MFSD2A: variants seen among roughly 807,000 people sequenced by gnomAD.
The protein encoded by MFSD2A is MFSD2 lysolipid transporter A, lysophospholipid, also known as sodium-dependent lysophosphatidylcholine symporter 1.
A neutral mutation model predicts 64.7 loss-of-function variants in MFSD2A; 27 were observed. The observed-to-expected ratio is 0.42, with a 90% CI of 0.31 to 0.58. The LOEUF (loss-of-function observed/expected upper bound fraction) is 0.58. MFSD2A is among the 20% of genes least tolerant of loss of function. The pLI is 0.18. For missense variants in MFSD2A, 474 were observed against 679.5 expected, an observed-to-expected ratio of 0.70 and a Z score of 3.36; for synonymous variants, 258 against 273.4, an observed-to-expected ratio of 0.94 and a Z score of 0.55.
Position 39,955,151 on chromosome 1 carries a change from C to T in MFSD2A, c.-142C>T. The T allele has an allele frequency of 1.8e-6, 1 of 544,394 alleles. No homozygotes were observed. Among genetic ancestry groups the T allele is most frequent in the Non-Finnish European group, 2.9e-6 (1 of 348,522 alleles). 33.7% of individuals were successfully genotyped at this position (544,394 alleles called of 1,614,324 possible). A position where few individuals can be genotyped will look rare whatever the true frequency, so the allele number is the denominator to read the frequency against. ...CGCGGAGGGGGCGTGCAGCAGAGTGCGTTCCTCGTCTGCCAGCCGGCTTGG... is the reference window on the plus strand; with the variant it reads ...CGCGGAGGGGGCGTGCAGCAGAGTGTGTTCCTCGTCTGCCAGCCGGCTTGG... On this transcript the variant is annotated 5_prime_UTR_variant, in exon 1 of 14. Coordinates refer to ENST00000372811, the MANE Select transcript of MFSD2A (RefSeq NM_032793.5). The surrounding 1 kb of genome is among the most constrained non-coding windows in gnomAD (Gnocchi z 5.9).
At position 39,964,998 on chromosome 1, in the gene MFSD2A, C is replaced by T; in HGVS notation, c.354-213C>T. ...ACCTCACACTCCATGCCTAGGATTT[C>T]AGTCTGGGGTCCCAGTTCCCATCTG... On this transcript the variant is annotated intron_variant, in intron 3 of 13. Coordinates refer to ENST00000372811, the MANE Select transcript of MFSD2A (RefSeq NM_032793.5). The surrounding 1 kb of genome is among the most constrained non-coding windows in gnomAD (Gnocchi z 4.1). The T allele has an allele frequency of 4.9e-6, 3 of 614,294 alleles. No individual in the cohort carries two copies. Among genetic ancestry groups the T allele is most frequent in the Non-Finnish European group, 8.5e-6 (3 of 353,096 alleles). The allele number at this position is 614,294 out of a possible 1,614,324, so 38.1% of individuals were successfully genotyped here.
intron 3 of MFSD2A, chr1:39,962,600 G>C (rs1645068201): frequency 1.3e-6 from 1 of 766,478 alleles, no homozygotes; most frequent in Admixed American, 2.2e-5. Flanking sequence ...GTGGCCCTGG[G>C]ATGGGGAACT....
Position 39,965,820 on chromosome 1 carries a change from T to C in MFSD2A, c.557-37T>C. On this transcript the variant is annotated intron_variant, in intron 5 of 13. Transcript: ENST00000372811. This position sits in a 1 kb window ranked among gnomAD's most constrained non-coding sequence, Gnocchi z 5.5. ...CCTTCCTCCCTGGGCCCACAATCCA[T>C]GAGGCCCCTCCAAAACACCTCCTTT... The C allele has an allele frequency of 6.2e-7, 1 of 1,610,590 alleles. No homozygotes were observed. The highest frequency in any genetic ancestry group is 8.5e-7 in the Non-Finnish European group (1 of 1,178,442).
Position 39,965,491 on chromosome 1 carries a change from G to A in MFSD2A, c.498G>A (p.Ser166=), listed in dbSNP as rs376773716. 87 of 1,613,780 alleles carry A rather than the reference G, an allele frequency of 5.4e-5. No homozygotes were observed. The highest frequency in any genetic ancestry group is 8.0e-5 in the African/African-American group (6 of 74,836). The part of the protein sequence containing the change: ...TMVTCFHVPY[S]ALTMFISTEQ... ...GCCAGTGTTTCCATGTTCCCTACTCGGCTCTCACCATGTTCATCAGCACCG... is the reference window on the plus strand; with the variant it reads ...GCCAGTGTTTCCATGTTCCCTACTCAGCTCTCACCATGTTCATCAGCACCG... Residue 166 remains serine (S), a synonymous_variant, in exon 5 of 14, where the codon TCG becomes TCA. Transcript: ENST00000372811. The surrounding 1 kb of genome is among the most constrained non-coding windows in gnomAD (Gnocchi z 5.5).
At position 39,963,563 on chromosome 1, in the gene MFSD2A, C is replaced by T. The variant is rs1645091231; in HGVS notation, c.354-1648C>T. On this transcript the variant is annotated intron_variant, in intron 3 of 13. Transcript: ENST00000372811. The surrounding 1 kb of genome is among the most constrained non-coding windows in gnomAD (Gnocchi z 4.2). ...AGTAGCTGGGATAACAGGCATGTGC[C>T]ACTGCCATTACAGCCATTTTTAAGT... Among the ~76,000 whole-genome samples the T allele has an allele frequency of 6.6e-6, 1 of 152,228 alleles. No homozygotes were observed. The highest frequency in any genetic ancestry group is 2.1e-4 in the South Asian group (1 of 4,836).
At position 39,960,220 on chromosome 1, in the gene MFSD2A, T is replaced by C. The variant is rs1014960377; in HGVS notation, c.353+1395T>C. 1.3e-5 allele frequency among the ~76,000 whole-genome samples: 2 copies of C among 152,330 alleles called. No homozygotes were observed. The highest frequency in any genetic ancestry group is 4.1e-4 in the South Asian group (2 of 4,834). On this transcript the variant is annotated intron_variant, in intron 3 of 13. Transcript: ENST00000372811. This position sits in a 1 kb window ranked among gnomAD's most constrained non-coding sequence, Gnocchi z 4.8. The stretch of plus-strand genomic sequence containing the variant: ...GGCTCTGGTTCCCTCCAGGACATCC[T>C]GCTTCAGGGTGTGGGGGGGCATACC...
At position 39,958,793 on chromosome 1, in the gene MFSD2A, C is replaced by T; in HGVS notation, c.321C>T (p.Ser107=). 1.9e-6 allele frequency: 3 copies of T among 1,613,408 alleles called. No individual in the cohort carries two copies. The highest frequency in any genetic ancestry group is 2.5e-6 in the Non-Finnish European group (3 of 1,179,586). Residue 107 remains serine, a synonymous_variant, in exon 3 of 14, where the codon TCC becomes TCT. Coordinates refer to ENST00000372811, the MANE Select transcript of MFSD2A (RefSeq NM_032793.5). The surrounding 1 kb of genome is among the most constrained non-coding windows in gnomAD (Gnocchi z 4.7). The part of the protein sequence containing the change: ...DPLVGLCISK[S]PWTCLGRLMP... ...TGGTGGGCCTCTGCATCAGCAAATC[C>T]CCCTGGACCTGCCTGGGTCGCCTTA...
chr1:39,957,289 T>C, intron 2 of MFSD2A, 68 bp downstream of exon 2: 1 of 1,440,478 alleles, frequency 6.9e-7, no homozygotes, highest in East Asian at 2.5e-5. Flanking sequence ...CACCCCTGGG[T>C]CAGTTCGCTC....
rs180885482 is a variant in MFSD2A at position 39,967,667 on chromosome 1, T to C, written c.1051T>C (p.Leu351=). The C allele has an allele frequency of 5.6e-6, 9 of 1,614,174 alleles. No individual in the cohort carries two copies. Among genetic ancestry groups the C allele is most frequent in the Admixed American group, 1.7e-5 (1 of 60,010 alleles). The change falls in exon 10 of 14, where the codon TTG becomes CTG. Residue 351 remains leucine (L), a synonymous_variant. Transcript: ENST00000372811. ...TLTIPIWQWF[L]TRFGKKTAVY... ...AACCATTCCCATCTGGCAGTGGTTC[T>C]TGACCCGGTTTGGCAAGAAGACAGC...
Position 39,965,170 on chromosome 1 carries a change from C to T in MFSD2A, c.354-41C>T. ...AGACTGGGCTGGGCCTGGTCCTGGG[C>T]TCCAGCCTCCAGCCTCCACTCACAC... On this transcript the variant is annotated intron_variant, in intron 3 of 13. Coordinates refer to ENST00000372811, the MANE Select transcript of MFSD2A (RefSeq NM_032793.5). This position sits in a 1 kb window ranked among gnomAD's most constrained non-coding sequence, Gnocchi z 5.5. 11 of 1,607,576 alleles carry T rather than the reference C, an allele frequency of 6.8e-6. No individual in the cohort carries two copies. Among genetic ancestry groups the T allele is most frequent in the Non-Finnish European group, 9.3e-6 (11 of 1,179,074 alleles).
chr1:39,955,427 G>A lies in MFSD2A; in HGVS notation c.93+42G>A. The A allele has an allele frequency of 6.7e-7, 1 of 1,503,738 alleles. No homozygotes were observed. Among genetic ancestry groups the A allele is most frequent in the Non-Finnish European group, 8.9e-7 (1 of 1,124,484 alleles). 93.1% of individuals were successfully genotyped at this position (1,503,738 alleles called of 1,614,324 possible). On this transcript the variant is annotated intron_variant, in intron 1 of 13. Transcript: ENST00000372811. The surrounding 1 kb of genome is among the most constrained non-coding windows in gnomAD (Gnocchi z 5.9). Reference sequence around the variant, plus strand: ...CCGCGTGGAGGGCGAGGGGAGGGAGGAGGCGGAAATGGGGGATCAGGGGCG... The same window carrying A: ...CCGCGTGGAGGGCGAGGGGAGGGAGAAGGCGGAAATGGGGGATCAGGGGCG...
rs1336036387 is a variant in MFSD2A, at chr1:39,955,528, G to A, written c.93+143G>A. On this transcript the variant is annotated intron_variant, in intron 1 of 13. Coordinates refer to ENST00000372811, the MANE Select transcript of MFSD2A (RefSeq NM_032793.5). This position sits in a 1 kb window ranked among gnomAD's most constrained non-coding sequence, Gnocchi z 5.9. ...GCCTACGAGCCAGAGAGGACCTGGG[G>A]GTGCCCTGGGACAGGGGGTGACGGA... 2.4e-5 allele frequency: 22 copies of A among 909,046 alleles called. No individual in the cohort carries two copies. In the East Asian group the frequency reaches 4.8e-4, roughly 20 times the overall value. 56.3% of individuals were successfully genotyped at this position (909,046 alleles called of 1,614,324 possible).
Position 39,963,105 on chromosome 1 carries a change from C to T in MFSD2A, c.354-2106C>T, listed in dbSNP as rs868664328. The stretch of plus-strand genomic sequence containing the variant: ...CACCGTCCCTTGCAAGGTGACAGGC[C>T]GCTGCGGCTCTGTGCTGGTGCGTCT... On this transcript the variant is annotated intron_variant, in intron 3 of 13. Coordinates refer to ENST00000372811, the MANE Select transcript of MFSD2A (RefSeq NM_032793.5). This position sits in a 1 kb window ranked among gnomAD's most constrained non-coding sequence, Gnocchi z 4.2. 55 of 1,357,390 alleles carry T rather than the reference C, an allele frequency of 4.1e-5. No homozygotes were observed. The highest frequency in any genetic ancestry group is 4.8e-5 in the Non-Finnish European group (47 of 977,488). The allele number at this position is 1,357,390 out of a possible 1,614,324, so 84.1% of individuals were successfully genotyped here. A position where few individuals can be genotyped will look rare whatever the true frequency, so the allele number is the denominator to read the frequency against.
chr1:39,955,631 A>G lies in MFSD2A; in HGVS notation c.93+246A>G, dbSNP rs1282589267. 1 of 685,314 alleles carries G rather than the reference A, an allele frequency of 1.5e-6. No homozygotes were observed. Among genetic ancestry groups the G allele is most frequent in the Non-Finnish European group, 2.7e-6 (1 of 374,932 alleles). The allele number at this position is 685,314 out of a possible 1,614,324, so 42.5% of individuals were successfully genotyped here. A position where few individuals can be genotyped will look rare whatever the true frequency, so the allele number is the denominator to read the frequency against. On this transcript the variant is annotated intron_variant, in intron 1 of 13. Transcript: ENST00000372811. This position sits in a 1 kb window ranked among gnomAD's most constrained non-coding sequence, Gnocchi z 5.9. ...GCGGAGAGGCTCTGCCGGCAGCCCCATGTGATTCCCCGCTCTGCCTAGCCG... is the reference window on the plus strand; with the variant it reads ...GCGGAGAGGCTCTGCCGGCAGCCCCGTGTGATTCCCCGCTCTGCCTAGCCG...
chr1:39,965,183 C>A lies in MFSD2A; in HGVS notation c.354-28C>A, dbSNP rs756822467. The A allele has an allele frequency of 4.2e-5, 68 of 1,613,312 alleles. No individual in the cohort carries two copies. Among genetic ancestry groups the A allele is most frequent in the Non-Finnish European group, 3.4e-6 (4 of 1,179,858 alleles). ...CCTGGTCCTGGGCTCCAGCCTCCAG[C>A]CTCCACTCACACCCTCCTCTTCCTC... On this transcript the variant is annotated intron_variant, in intron 3 of 13. Transcript: ENST00000372811. This position sits in a 1 kb window ranked among gnomAD's most constrained non-coding sequence, Gnocchi z 5.5.
chr1:39,966,531 C>T (rs1032949979), intron 6 of MFSD2A, 70 bp from the exon 7 acceptor site: 2 of 1,266,326 alleles, frequency 1.6e-6, no homozygotes, highest in Non-Finnish European at 2.3e-6. Flanking sequence ...TTGAGTGGGG[C>T]TGCTGGAACT....
rs563671430 is a variant in MFSD2A, at chr1:39,955,999, C to T, written c.93+614C>T. Among the ~76,000 whole-genome samples, 12 of 152,322 alleles carry T rather than the reference C, an allele frequency of 7.9e-5. No homozygotes were observed. ...GAGGCGGCCCCCTAGGAAAGGATCT[C>T]AGGCAATAGATACCTTCGTGGGAGG... is the stretch of plus-strand genomic sequence containing the variant. On this transcript the variant is annotated intron_variant, in intron 1 of 13. Coordinates refer to ENST00000372811, the MANE Select transcript of MFSD2A (RefSeq NM_032793.5). This position sits in a 1 kb window ranked among gnomAD's most constrained non-coding sequence, Gnocchi z 5.9.
chr1:39,962,952 C>T (rs549514575), intron 3 of MFSD2A: 169 of 1,553,474 alleles, frequency 1.1e-4, no homozygotes, highest in Non-Finnish European at 1.4e-4. Context: ...CTACAATGGC[C>T]ATGTCGGTCT....
rs78697122 is a variant in MFSD2A at position 39,963,693 on chromosome 1, C to G, written c.354-1518C>G. 2.4e-3 allele frequency among the ~76,000 whole-genome samples: 360 copies of G among 152,184 alleles called. 2 individuals carry two copies. The highest frequency in any genetic ancestry group is 3.7e-3 in the Non-Finnish European group (252 of 67,998). ...GGTTCTCTAATATTTCTTTTTTGGGCAGTGCAGTTTTAACATTCCACATTA... is the reference window on the plus strand; with the variant it reads ...GGTTCTCTAATATTTCTTTTTTGGGGAGTGCAGTTTTAACATTCCACATTA... On this transcript the variant is annotated intron_variant, in intron 3 of 13. Coordinates refer to ENST00000372811, the MANE Select transcript of MFSD2A (RefSeq NM_032793.5). This position sits in a 1 kb window ranked among gnomAD's most constrained non-coding sequence, Gnocchi z 4.2.
Sources: gnomAD v4.1 joint callset for allele counts (sites outside exome capture counted in the v4.1 genomes callset) on GRCh38, gnomAD v4.1.1 for gene constraint, Gnocchi (gnomAD v3.1) non-coding constraint, MANE v1.5 for transcripts, NCBI Gene and HGNC (gene_info 2026-07-23, HGNC 2026-07-21) for gene names.